Variants in PCDHGA5 observed in about 807,000 individuals in gnomAD.
The protein encoded by PCDHGA5 is protocadherin gamma subfamily A, 5.
A neutral mutation model predicts 56.7 loss-of-function variants in PCDHGA5; 36 were observed. The observed-to-expected ratio is 0.64, with a 90% CI of 0.49 to 0.84. The LOEUF is 0.84. Among genes scored for constraint, PCDHGA5 ranks in the 40% least tolerant of loss-of-function variants. The pLI is 0.00. For synonymous variants in PCDHGA5, 563 were observed against 520.2 expected, an observed-to-expected ratio of 1.08 and a Z score of -1.12; for missense variants, 1,305 against 1,201.5, an observed-to-expected ratio of 1.09 and a Z score of -1.27.
chr5:141,459,545 T>G (rs534173050), intron 1 of PCDHGA5, among the ~76,000 whole-genome samples: 81 of 152,348 alleles, frequency 5.3e-4, no homozygotes, highest in South Asian at 1.0e-3. Context: ...TTTTTTTATT[T>G]CTCTTGGATA....
At chr5:141,398,949 C>T (rs749860900) in intron 1 of PCDHGA5, 1 of 1,613,948 alleles carries the variant, frequency 6.2e-7, no homozygotes, top group Non-Finnish European at 8.5e-7. Flanking sequence ...AGGGCATCAA[C>T]TCAGAAATTA....
In PCDHGA5 at chr5:141,486,819, T is replaced by TG; in HGVS notation, c.2422-7988_2422-7987insG. 6.2e-7 allele frequency: 1 copy of TG among 1,614,212 alleles called. No homozygotes were observed. Among genetic ancestry groups the TG allele is most frequent in the Non-Finnish European group, 8.5e-7 (1 of 1,180,034 alleles). On this transcript the variant is annotated intron_variant, in intron 1 of 3. Coordinates refer to ENST00000518069, the MANE Select transcript of PCDHGA5 (RefSeq NM_018918.3). The surrounding 1 kb of genome is among the most constrained non-coding windows in gnomAD (Gnocchi z 5.0). ...GGCAACCCACCCCTTAGCAGCACTG[T>TG]AACAGTTCGTCTATTTGTGCTGGAC...
chr5:141,387,978 C>T, intron 1 of PCDHGA5: 1 of 1,487,640 alleles, frequency 6.7e-7, no homozygotes, highest in Non-Finnish European at 9.1e-7. Flanking sequence ...GCTCTGTGAG[C>T]AGATCCGCTA....
At position 141,455,034 on chromosome 5, in the gene PCDHGA5, G is replaced by T. The variant is rs112590950; in HGVS notation, c.2422-39773G>T. 8.3e-3 allele frequency among the ~76,000 whole-genome samples: 1,254 copies of T among 150,894 alleles called. 18 individuals are homozygous for T. Among genetic ancestry groups the T allele is most frequent in the African/African-American group, 0.029 (1,191 of 41,122 alleles). ...TCACCGTGTTAGCCAGGATGGTCTC[G>T]ATCTCCTGACCTCGTGATCCGCCCG... On this transcript the variant is annotated intron_variant, in intron 1 of 3. Coordinates refer to ENST00000518069, the MANE Select transcript of PCDHGA5 (RefSeq NM_018918.3).
At chr5:141,390,407 G>A in intron 1 of PCDHGA5, 1 of 1,265,446 alleles carries the variant, frequency 7.9e-7, no homozygotes, top group Non-Finnish European at 1.1e-6. Flanking sequence ...TAGGAAAGTT[G>A]TAGTCAGTTA....
At chr5:141,398,819 A>C (rs571120530) in intron 1 of PCDHGA5, 1 of 1,613,994 alleles carries the variant, frequency 6.2e-7, no homozygotes, top group East Asian at 2.2e-5. Flanking sequence ...CTCCGGATCC[A>C]GGTAACCGAC....
At chr5:141,404,560 C>G in intron 1 of PCDHGA5, 1 of 1,613,578 alleles carries the variant, frequency 6.2e-7, no homozygotes, top group South Asian at 1.1e-5. Context: ...CGGCAAGTGA[C>G]AGTGGAAGCC....
At chr5:141,510,509 C>G (rs146315792) in intron 3 of PCDHGA5, among the ~76,000 whole-genome samples, 13 of 152,204 alleles carry the variant, frequency 8.5e-5, no homozygotes, top group Non-Finnish European at 1.6e-4. Flanking sequence ...ACTGAGAGCC[C>G]GTGTCACAGC....
chr5:141,419,613 G>T (rs369914837), intron 1 of PCDHGA5: 144 of 1,612,020 alleles, frequency 8.9e-5, no homozygotes, highest in Admixed American at 1.5e-4. Context: ...GCGCAGCCAG[G>T]CTACCTGGTG....
chr5:141,395,123 TC>T, intron 1 of PCDHGA5: 1 of 1,614,148 alleles, frequency 6.2e-7, no homozygotes, highest in Non-Finnish European at 8.5e-7. Flanking sequence ...ACCTGATCTT[TC>T]CCCAGCCCAA....
intron 1 of PCDHGA5, chr5:141,374,486 A>C: frequency 6.2e-7 from 1 of 1,611,570 alleles, no homozygotes; most frequent in Non-Finnish European, 8.5e-7. Context: ...CCGATTCTTA[A>C]AGGAAGAATT....
chr5:141,427,775 G>A (rs768191014), intron 1 of PCDHGA5: 35 of 1,424,948 alleles, frequency 2.5e-5, no homozygotes, highest in Non-Finnish European at 2.9e-5. Context: ...TGGAGCTGCG[G>A]GCACTGTCGT....
chr5:141,506,398 A>T (rs902405970), intron 3 of PCDHGA5, among the ~76,000 whole-genome samples: 6 of 151,394 alleles, frequency 4.0e-5, no homozygotes, highest in Admixed American at 2.6e-4. Context: ...GTGAGCAGAA[A>T]ATCGCACCAC....
intron 1 of PCDHGA5, among the ~76,000 whole-genome samples, chr5:141,446,961 GA>G (rs1466390366): frequency 2.0e-5 from 3 of 152,070 alleles, no homozygotes; most frequent in Admixed American, 1.3e-4. Context: ...AGCACCCAGG[GA>G]AATTTGCTGT....
At chr5:141,384,243 C>T in intron 1 of PCDHGA5, 1 of 1,613,880 alleles carries the variant, frequency 6.2e-7, no homozygotes, top group Non-Finnish European at 8.5e-7. Context: ...CCAACGATAA[C>T]CCACCCACCT....
chr5:141,387,559 A>G, intron 1 of PCDHGA5: 1 of 421,914 alleles, frequency 2.4e-6, no homozygotes, highest in South Asian at 5.1e-5. Flanking sequence ...TCAGTTAGGC[A>G]CACAATTATA....
At chr5:141,388,340 T>C in intron 1 of PCDHGA5, 1 of 1,613,994 alleles carries the variant, frequency 6.2e-7, no homozygotes, top group South Asian at 1.1e-5. Context: ...GCACACGATT[T>C]ATATTAGGAT....
At chr5:141,484,908 G>T in intron 1 of PCDHGA5, 1 of 415,428 alleles carries the variant, frequency 2.4e-6, no homozygotes, top group East Asian at 4.2e-5. Context: ...ATGCTGCGAC[G>T]CATTAACCCT....
chr5:141,491,571 C>CT lies in PCDHGA5; in HGVS notation c.2422-3232dup. On this transcript the variant is annotated intron_variant, in intron 1 of 3. Coordinates refer to ENST00000518069, the MANE Select transcript of PCDHGA5 (RefSeq NM_018918.3). The surrounding 1 kb of genome is among the most constrained non-coding windows in gnomAD (Gnocchi z 6.9). ...CGCAGAGCCACTGCTACAGGACGTG[C>CT]TTTTCACCGGCCTCGGACGGCAGTG... 6.2e-7 allele frequency: 1 copy of CT among 1,614,026 alleles called. No homozygotes were observed. Among genetic ancestry groups the CT allele is most frequent in the Non-Finnish European group, 8.5e-7 (1 of 1,180,042 alleles).
Sources: allele counts gnomAD v4.1 joint callset (sites outside exome capture counted in the v4.1 genomes callset), GRCh38; gene constraint gnomAD v4.1.1; non-coding constraint Gnocchi (gnomAD v3.1); transcripts MANE v1.5; gene names NCBI Gene and HGNC (gene_info 2026-07-23, HGNC 2026-07-21).